Variants in NLRP11 observed in about 807,000 individuals in gnomAD.
NLRP11 encodes NLR family pyrin domain containing 11, also known as NACHT, LRR and PYD domains-containing protein 11.
In NLRP11, 53 loss-of-function variants were observed where a neutral mutation model predicts 79.3. That is an observed-to-expected ratio of 0.67 (90% confidence interval 0.54 to 0.84). The LOEUF is 0.84. Among genes scored for constraint, NLRP11 ranks in the 40% least tolerant of loss-of-function variants. NLRP11 has a pLI of 0.00. For synonymous variants in NLRP11, 518 were observed against 462.6 expected (o/e 1.12, Z -1.54); for missense variants, 1,264 against 1,255.0 (o/e 1.01, Z -0.11).
intron 1 of NLRP11, among the ~76,000 whole-genome samples, chr19:55,829,286 T>C (rs1250819281): frequency 6.6e-6 from 1 of 151,988 alleles, no homozygotes. Flanking sequence ...TATACAATAG[T>C]ATAAAATCAG....
At position 55,809,431 on chromosome 19, in the gene NLRP11, G is replaced by A. The variant is rs1980356838; in HGVS notation, c.1179C>T (p.Leu393=). ...CAGCCAGCAAACACAGACGTTTTAG[G>A]AGACCTAGGTGATACTGATTGGCAG... The change falls in exon 3 of 10, where the codon CTC becomes CTT. Residue 393 remains leucine (L), a synonymous_variant. Coordinates refer to ENST00000589093, the Ensembl canonical transcript of NLRP11. This position sits in a 1 kb window ranked among gnomAD's most constrained non-coding sequence, Gnocchi z 4.5. 1.9e-6 allele frequency: 3 copies of A among 1,614,170 alleles called. No homozygotes were observed. Among genetic ancestry groups the A allele is most frequent in the Non-Finnish European group, 2.5e-6 (3 of 1,180,038 alleles).
chr19:55,800,411 G>A (rs536654581), intron 5 of NLRP11, among the ~76,000 whole-genome samples: 6 of 152,262 alleles, frequency 3.9e-5, no homozygotes, highest in Admixed American at 6.5e-5. Context: ...GGGTTCAAGC[G>A]ATTATCTTGC....
intron 1 of NLRP11, among the ~76,000 whole-genome samples, chr19:55,819,883 T>C (rs4801281): frequency 0.49 from 73,785 of 151,970 alleles, 20,980 homozygotes; most frequent in African/African-American, 0.79. Flanking sequence ...GAAGTAGGCA[T>C]ATTAAGCTTG....
exon 7 of NLRP11, chr19:55,792,338 G>T: frequency 6.2e-7 from 1 of 1,614,152 alleles, no homozygotes; most frequent in Non-Finnish European, 8.5e-7. Flanking sequence ...AACAGCAAGG[G>T]AAACGTCACA....
chr19:55,831,120 C>A (rs1312594352), intron 1 of NLRP11, among the ~76,000 whole-genome samples: 1 of 127,776 alleles, frequency 7.8e-6, no homozygotes, highest in African/African-American at 2.8e-5. Context: ...TCCCCCCCAC[C>A]CCCCCGCCCA....
Position 55,786,899 on chromosome 19 carries a change from T to C in NLRP11, c.2856-1028A>G, listed in dbSNP as rs1218190491. ...TTTGTAATGTTTATGGGTTTTTCTA[T>C]GCATCTGAAAGTTTGACTCAATATC... On this transcript the variant is annotated intron_variant, in intron 9 of 9. Coordinates refer to ENST00000589093, the Ensembl canonical transcript of NLRP11. 3.9e-5 allele frequency among the ~76,000 whole-genome samples: 6 copies of C among 152,328 alleles called. No homozygotes were observed. The East Asian group carries it at 9.6e-4, about 24-fold the overall frequency.
chr19:55,821,253 C>CT (rs1981702008), intron 1 of NLRP11, among the ~76,000 whole-genome samples: 1 of 136,072 alleles, frequency 7.3e-6, no homozygotes, highest in Admixed American at 7.3e-5. Flanking sequence ...ACACACACCC[C>CT]AAGCACTGAG....
At chr19:55,820,503 C>T (rs373043677) in intron 1 of NLRP11, among the ~76,000 whole-genome samples, 7 of 152,028 alleles carry the variant, frequency 4.6e-5, no homozygotes, top group Non-Finnish European at 7.4e-5. Flanking sequence ...TGCTCAGTAT[C>T]GGGTCTGAGG....
intron 2 of NLRP11, among the ~76,000 whole-genome samples, chr19:55,812,322 C>A (rs1174429494): frequency 1.3e-5 from 2 of 152,078 alleles, no homozygotes; most frequent in East Asian, 3.9e-4. Context: ...TGGCAGATGG[C>A]ACACACAGAA....
exon 10 of NLRP11, chr19:55,785,838 C>T: frequency 6.2e-7 from 1 of 1,614,046 alleles, no homozygotes; most frequent in Admixed American, 1.7e-5. Context: ...TCAGCAACTG[C>T]TGGGTTTGTG....
chr19:55,835,437 A>AT (rs1346364086), upstream of NLRP11, among the ~76,000 whole-genome samples: 4 of 152,276 alleles, frequency 2.6e-5, no homozygotes, highest in Admixed American at 2.0e-4. Flanking sequence ...ACAGTGGCTC[A>AT]TGCCTGTAAT....
At chr19:55,802,868 T>C (rs998376031) in intron 4 of NLRP11, among the ~76,000 whole-genome samples, 1 of 152,100 alleles carries the variant, frequency 6.6e-6, no homozygotes, top group African/African-American at 2.4e-5. Flanking sequence ...GCCACACAAC[T>C]ACAACCGTCT....
intron 1 of NLRP11, among the ~76,000 whole-genome samples, chr19:55,828,244 T>C (rs1172806430): frequency 5.6e-5 from 8 of 143,372 alleles, no homozygotes; most frequent in South Asian, 2.2e-4. Context: ...GGAAAGGGAA[T>C]ATCACACTCT....
intron 9 of NLRP11, among the ~76,000 whole-genome samples, chr19:55,786,127 G>A (rs900964981): frequency 2.0e-5 from 3 of 152,190 alleles, no homozygotes; most frequent in African/African-American, 4.8e-5. Context: ...ACGCCACTAC[G>A]TGCTCAATGC....
At chr19:55,807,984 C>T in exon 4 of NLRP11, 1 of 1,612,664 alleles carries the variant, frequency 6.2e-7, no homozygotes, top group South Asian at 1.1e-5. Context: ...GAGAGCAGAT[C>T]TCTCTCCAGT....
At chr19:55,802,774 G>A (rs1381897711) in intron 4 of NLRP11, among the ~76,000 whole-genome samples, 1 of 152,020 alleles carries the variant, frequency 6.6e-6, no homozygotes, top group African/African-American at 2.4e-5. Flanking sequence ...TATACTATAG[G>A]GCTATGATAA....
chr19:55,801,703 G>T (rs752986198), exon 5 of NLRP11: 1 of 1,614,168 alleles, frequency 6.2e-7, no homozygotes, highest in South Asian at 1.1e-5. Context: ...CCTTGAGTAA[G>T]TCTTCAAAAC....
At chr19:55,795,867 C>A (rs1978794746) in intron 6 of NLRP11, among the ~76,000 whole-genome samples, 1 of 152,180 alleles carries the variant, frequency 6.6e-6, no homozygotes, top group African/African-American at 2.4e-5. Flanking sequence ...TTGAGAAATA[C>A]AAGTTGAAAA....
intron 9 of NLRP11, among the ~76,000 whole-genome samples, chr19:55,786,202 A>G (rs1313251953): frequency 6.6e-6 from 1 of 152,228 alleles, no homozygotes; most frequent in Non-Finnish European, 1.5e-5. Flanking sequence ...ATAGGTTCCA[A>G]TACTGAGGGT....
Sources: gnomAD v4.1 joint callset for allele counts (sites outside exome capture counted in the v4.1 genomes callset) on GRCh38, gnomAD v4.1.1 for gene constraint, Gnocchi (gnomAD v3.1) non-coding constraint, MANE v1.5 for transcripts, NCBI Gene and HGNC (gene_info 2026-07-23, HGNC 2026-07-21) for gene names.